TJP1: variants seen among roughly 807,000 people sequenced by gnomAD.
TJP1 encodes the protein tight junction protein ZO-1.
Under a neutral mutation model 194.2 loss-of-function variants are expected in TJP1, and 43 were observed. The ratio of observed to expected loss-of-function variants is 0.22; its 90% CI spans 0.17 to 0.29. TJP1 has a LOEUF of 0.29. TJP1 is among the 10% of genes least tolerant of loss of function. The pLI is 1.00. For missense variants in TJP1, 1,971 were observed against 2,185.7 expected, an observed-to-expected ratio of 0.90 and a Z score of 1.96; for synonymous variants, 801 against 779.0, an observed-to-expected ratio of 1.03 and a Z score of -0.47.
At position 29,705,541 on chromosome 15, in the gene TJP1, T is replaced by G; in HGVS notation, c.5055A>C (p.Leu1685Phe). ...VCRDNSILPPLDKEKGETLLS... is the reference protein window; with the variant it reads ...VCRDNSILPPFDKEKGETLLS... ...AAACACATTTACCTTTCTCTTTATC[T>G]AAAGGTGGAAGGATGCTGTTGTCCC... Residue 1685 changes from leucine to phenylalanine, a missense_variant, in exon 26 of 28, where the codon TTA (leucine) becomes TTC (phenylalanine). Physicochemically the swap from Leu to Phe is conservative, Grantham distance 22. This residue lies in a region of TJP1 where 1,108 missense variants were observed against 1,128.5 expected (regional missense o/e 0.98). Coordinates refer to ENST00000614355, the MANE Select transcript of TJP1 (RefSeq NM_001330239.4). The G allele has an allele frequency of 6.2e-7, 1 of 1,614,210 alleles. No individual in the cohort carries two copies. Among genetic ancestry groups the G allele is most frequent in the South Asian group, 1.1e-5 (1 of 91,074 alleles).
chr15:29,737,908 T>A (rs562385340), intron 10 of TJP1, among the ~76,000 whole-genome samples: 3 of 152,298 alleles, frequency 2.0e-5, no homozygotes, highest in South Asian at 2.1e-4. Context: ...GAGTGATTTT[T>A]AAAAAAACTT....
rs1166431859 is a variant in TJP1 at position 29,726,371 on chromosome 15, T to C, written c.2412+8A>G. On this transcript the variant is annotated splice_region_variant and intron_variant, in intron 18 of 27. Transcript: ENST00000614355. ...AACAAGTCAAAAAAGTAATAGGAAA[T>C]GTCTTACCTTTCCCTCGGAAACCCA... The C allele has an allele frequency of 6.2e-7, 1 of 1,609,976 alleles. No homozygotes were observed. Among genetic ancestry groups the C allele is most frequent in the African/African-American group, 1.3e-5 (1 of 74,966 alleles).
In TJP1 at chr15:29,766,259, A is replaced by G. The variant is rs748254801; in HGVS notation, c.589+7T>C. 11 of 1,606,702 alleles carry G rather than the reference A, an allele frequency of 6.8e-6. No individual in the cohort carries two copies. The East Asian group carries it at 2.2e-4, about 33-fold the overall frequency. On this transcript the variant is annotated splice_region_variant and intron_variant, in intron 5 of 27. Transcript: ENST00000614355. ...TGAAAAAAACAGCAAGAGTTGGCAG[A>G]GAATACCTTCATTTTTCCGGGATTT...
intron 2 of TJP1, among the ~76,000 whole-genome samples, chr15:29,922,486 G>A (rs1387740942): frequency 6.6e-6 from 1 of 152,120 alleles, no homozygotes. Flanking sequence ...TTTTTGTAAA[G>A]GGCTATGTTT....
At chr15:29,952,978 T>C (rs954106660) in intron 2 of TJP1, among the ~76,000 whole-genome samples, 12 of 152,178 alleles carry the variant, frequency 7.9e-5, no homozygotes, top group African/African-American at 2.7e-4. Flanking sequence ...TTCAGACTTC[T>C]GTGGCTAAGG....
chr15:29,765,918 C>T (rs917927995), intron 5 of TJP1, among the ~76,000 whole-genome samples: 11 of 151,858 alleles, frequency 7.2e-5, no homozygotes, highest in Admixed American at 3.3e-4. Context: ...ACAACAACAA[C>T]ACTCCCAAGA....
intron 2 of TJP1, among the ~76,000 whole-genome samples, chr15:29,864,024 G>A (rs17750932): frequency 0.42 from 62,965 of 151,702 alleles, 13,514 homozygotes; most frequent in East Asian, 0.5. Flanking sequence ...TAAGGATTCT[G>A]GTGCTAGCCA....
intron 15 of TJP1, chr15:29,730,665 G>A: frequency 1.4e-6 from 1 of 723,060 alleles, no homozygotes; most frequent in Non-Finnish European, 2.5e-6. Context: ...AAGCCCGCGT[G>A]CCGCTGCATC....
chr15:29,803,599 C>T (rs1055159116), intron 1 of TJP1, among the ~76,000 whole-genome samples: 1 of 152,130 alleles, frequency 6.6e-6, no homozygotes, highest in Non-Finnish European at 1.5e-5. Context: ...TGTTTTTCCA[C>T]TTGGCTTTTA....
chr15:29,766,446 G>A lies in TJP1; in HGVS notation c.409C>T (p.His137Tyr), dbSNP rs202151545. The A allele has an allele frequency of 4.3e-6, 7 of 1,614,040 alleles. No homozygotes were observed. In the Admixed American group the frequency reaches 8.3e-5, roughly 19 times the overall value. Reference sequence around the variant, plus strand: ...CCACTCCGGCCACTTCTTGGATCATGTATTTCCTCATCATAACTATCTTCT... The same window carrying A: ...CCACTCCGGCCACTTCTTGGATCATATATTTCCTCATCATAACTATCTTCT... ...NEEDSYDEEI[H>Y]DPRSGRSGVV... The change falls in exon 5 of 28, where the codon CAT (histidine) becomes TAT (tyrosine). Residue 137 changes from histidine to tyrosine, a missense_variant. Physicochemically the swap from His to Tyr is moderately conservative, Grantham distance 83. Coordinates refer to ENST00000614355, the MANE Select transcript of TJP1 (RefSeq NM_001330239.4).
chr15:29,811,068 G>A (rs2049463927), intron 1 of TJP1, among the ~76,000 whole-genome samples: 1 of 152,090 alleles, frequency 6.6e-6, no homozygotes, highest in Non-Finnish European at 1.5e-5. Context: ...AACTCAAAGA[G>A]AAAGTTGACA....
At chr15:29,883,335 T>TCAACGCACAG (rs1483271562) in intron 2 of TJP1, among the ~76,000 whole-genome samples, 1 of 152,174 alleles carries the variant, frequency 6.6e-6, no homozygotes, top group Non-Finnish European at 1.5e-5. Context: ...CTGCGTTGGG[T>TCAACGCACAG]GAAATGCACA....
Position 29,821,983 on chromosome 15 carries a change from C to T in TJP1, c.27+19G>A, listed in dbSNP as rs770108516. The T allele has an allele frequency of 6.9e-6, 9 of 1,301,740 alleles. No homozygotes were observed. Among genetic ancestry groups the T allele is most frequent in the African/African-American group, 1.5e-5 (1 of 65,500 alleles). The allele number at this position is 1,301,740 out of a possible 1,614,324, so 80.6% of individuals were successfully genotyped here. A position where few individuals can be genotyped will look rare whatever the true frequency, so the allele number is the denominator to read the frequency against. ...GACGGTCGGCCCGGTCTGGCCCTGG[C>T]GGCCGCGGAGGCGCTCACCTTGGCG... On this transcript the variant is annotated intron_variant, in intron 1 of 27. Transcript: ENST00000614355.
intron 2 of TJP1, among the ~76,000 whole-genome samples, chr15:29,857,418 G>A (rs146030225): frequency 0.022 from 3,333 of 152,052 alleles, 60 homozygotes; most frequent in Middle Eastern, 0.034. Context: ...AAAGGCCTAC[G>A]TATGTAGTAG....
intron 2 of TJP1, among the ~76,000 whole-genome samples, chr15:29,884,162 A>C (rs2053034342): frequency 6.6e-6 from 1 of 152,216 alleles, no homozygotes; most frequent in Non-Finnish European, 1.5e-5. Context: ...TGTTGAACTC[A>C]CAATAGAAAA....
intron 2 of TJP1, among the ~76,000 whole-genome samples, chr15:29,870,829 A>G (rs543816881): frequency 2.7e-3 from 417 of 152,364 alleles, no homozygotes; most frequent in Non-Finnish European, 3.9e-3. Context: ...TAGAAAGACC[A>G]ATTTTAAACA....
rs911348156 is a variant in TJP1 at position 29,700,486 on chromosome 15, G to A, written c.*1109C>T. On this transcript the variant is annotated 3_prime_UTR_variant, in exon 28 of 28. Transcript: ENST00000614355. ...ATGACCTTGCATGTGTCATAGAAAC[G>A]CTGCTTTATTGCTGCAGAGGTCAAA... 5 of 398,652 alleles carry A rather than the reference G, an allele frequency of 1.3e-5. No homozygotes were observed. The highest frequency in any genetic ancestry group is 3.6e-5 in the East Asian group (1 of 28,060). The allele number at this position is 398,652 out of a possible 1,614,324, so 24.7% of individuals were successfully genotyped here.
At chr15:29,705,883 C>A in intron 25 of TJP1, 138 bp from the exon 26 acceptor site, 1 of 719,784 alleles carries the variant, frequency 1.4e-6, no homozygotes, top group Non-Finnish European at 2.3e-6. Flanking sequence ...AAGTTTCTGG[C>A]AACAGATTTT....
intron 2 of TJP1, chr15:29,800,385 C>T (rs1305067557): frequency 2.1e-6 from 1 of 486,932 alleles, no homozygotes; most frequent in Non-Finnish European, 3.6e-6. Context: ...AGTCTTTTAT[C>T]TGATCACTCA....
Sources: gnomAD v4.1 joint callset for allele counts (sites outside exome capture counted in the v4.1 genomes callset) on GRCh38, gnomAD v4.1.1 for gene constraint, gnomAD v4.1.1 regional missense constraint, MANE v1.5 for transcripts, NCBI Gene and HGNC (gene_info 2026-07-23, HGNC 2026-07-21) for gene names.